PKD1L3: variants seen among roughly 807,000 people sequenced by gnomAD.
PKD1L3 encodes the protein polycystin-1-like protein 3.
Under a neutral mutation model 184.1 loss-of-function variants are expected in PKD1L3, and 239 were observed. The ratio of observed to expected loss-of-function variants is 1.30; its 90% CI spans 1.17 to 1.45. The LOEUF (loss-of-function observed/expected upper bound fraction) is 1.45. Ranked by LOEUF, PKD1L3 falls within the 40% of genes most tolerant of loss-of-function variation. The pLI, the probability that PKD1L3 is intolerant of heterozygous loss-of-function variation, is 0.00. For missense variants in PKD1L3, 2,660 were observed against 2,067.2 expected (o/e 1.29, Z -5.56); for synonymous variants, 996 against 778.8 (o/e 1.28, Z -4.64).
chr16:71,997,165 G>C (rs1450078625), intron 2 of PKD1L3, among the ~76,000 whole-genome samples: 6 of 152,050 alleles, frequency 3.9e-5, no homozygotes, highest in Non-Finnish European at 7.4e-5. Flanking sequence ...ATTGTTTCCA[G>C]TTTTGTTCTG....
In PKD1L3 at chr16:72,000,007, T is replaced by TG. The variant is rs1251265416; in HGVS notation, c.-30dup. 2.0e-6 allele frequency: 3 copies of TG among 1,481,406 alleles called. No individual in the cohort carries two copies. The highest frequency in any genetic ancestry group is 1.8e-6 in the Non-Finnish European group (2 of 1,107,892). The allele number at this position is 1,481,406 out of a possible 1,614,324, so 91.8% of individuals were successfully genotyped here. ...CTCTGAATTGTAGCAAGAAAAAGTG[T>TG]GGGGGTTTAGCAGCTGCCTGGTCCT... On this transcript the variant is annotated 5_prime_UTR_variant, in exon 1 of 30. Coordinates refer to ENST00000620267, the MANE Select transcript of PKD1L3 (RefSeq NM_181536.2).
chr16:71,986,071 C>A (rs773350491), intron 5 of PKD1L3, 150 bp downstream of exon 5: 5 of 1,031,772 alleles, frequency 4.8e-6, no homozygotes, highest in Non-Finnish European at 6.9e-6. Flanking sequence ...TTGGCTGTTT[C>A]CATGGACTTG....
intron 6 of PKD1L3, among the ~76,000 whole-genome samples, chr16:71,983,475 T>G (rs899519132): frequency 1.3e-5 from 2 of 151,988 alleles, no homozygotes; most frequent in African/African-American, 4.8e-5. Flanking sequence ...AACAAATGCA[T>G]CAGCAAGGCA....
In PKD1L3 at chr16:71,954,181, T is replaced by G; in HGVS notation, c.2733A>C (p.Thr911=). 6.4e-7 allele frequency: 1 copy of G among 1,551,792 alleles called. No homozygotes were observed. The highest frequency in any genetic ancestry group is 8.7e-7 in the Non-Finnish European group (1 of 1,146,960). The change falls in exon 17 of 30, where the codon ACA becomes ACC. Residue 911 remains threonine (T), a synonymous_variant. Coordinates refer to ENST00000620267, the MANE Select transcript of PKD1L3 (RefSeq NM_181536.2). Reference sequence around the variant, plus strand: ...TGATGACCATGTTGCAGAGTAGCAGTGTCATGCAGCAAGACAGCCGTTGGA... The same window carrying G: ...TGATGACCATGTTGCAGAGTAGCAGGGTCATGCAGCAAGACAGCCGTTGGA... ...TRVQRLSCCM[T]LLLCNMVINV...
At chr16:71,982,622 G>C (rs1360409858) in intron 6 of PKD1L3, among the ~76,000 whole-genome samples, 1 of 151,268 alleles carries the variant, frequency 6.6e-6, no homozygotes, top group African/African-American at 2.4e-5. Context: ...TAAGAGATGG[G>C]GTCTTGCTCT....
At chr16:71,932,144 C>A (rs376377093) in intron 28 of PKD1L3, among the ~76,000 whole-genome samples, 2 of 152,286 alleles carry the variant, frequency 1.3e-5, no homozygotes, top group African/African-American at 4.8e-5. Flanking sequence ...CCTGCAGATA[C>A]AACATTAGAA....
At chr16:71,969,094 C>A (rs543370735) in intron 13 of PKD1L3, among the ~76,000 whole-genome samples, 1 of 151,434 alleles carries the variant, frequency 6.6e-6, no homozygotes, top group Non-Finnish European at 1.5e-5. Flanking sequence ...CCATGCCTGG[C>A]TAATTTTTGT....
At chr16:71,997,273 T>C (rs78534681) in intron 2 of PKD1L3, among the ~76,000 whole-genome samples, 1,755 of 151,452 alleles carry the variant, frequency 0.012, 16 homozygotes, top group Non-Finnish European at 0.017. Flanking sequence ...CTCAGTTGTA[T>C]GGTAGTTGTT....
chr16:71,986,942 T>TTTTG, intron 4 of PKD1L3, among the ~76,000 whole-genome samples: 1 of 103,836 alleles, frequency 9.6e-6, no homozygotes, highest in East Asian at 3.1e-4. Flanking sequence ...TTTTTTTTTT[T>TTTTG]GAGACAGAGT....
At chr16:71,999,549 A>C (rs2040899474) in intron 1 of PKD1L3, 135 bp downstream of exon 1, 1 of 862,436 alleles carries the variant, frequency 1.2e-6, no homozygotes, top group Non-Finnish European at 1.6e-6. Context: ...ATTTCAGAGG[A>C]AAGATGGTAA....
At chr16:71,996,360 A>G (rs916567533) in intron 2 of PKD1L3, among the ~76,000 whole-genome samples, 1 of 148,068 alleles carries the variant, frequency 6.8e-6, no homozygotes, top group Non-Finnish European at 1.5e-5. Flanking sequence ...CTCCCGGTTC[A>G]AGCGATTCTC....
In PKD1L3 at chr16:71,950,020, G is replaced by A. The variant is rs1050544658; in HGVS notation, c.3384-3C>T. The A allele has an allele frequency of 1.3e-6, 2 of 1,551,372 alleles. No homozygotes were observed. Among genetic ancestry groups the A allele is most frequent in the South Asian group, 1.2e-5 (1 of 84,044 alleles). ...GGATGGCAAAACTGGTGACTTCCCT[G>A]AAGCACAAAAGTTGAGGGAATAATC... On this transcript the variant is annotated splice_region_variant and splice_polypyrimidine_tract_variant and intron_variant, in intron 20 of 29. Coordinates refer to ENST00000620267, the MANE Select transcript of PKD1L3 (RefSeq NM_181536.2).
At chr16:71,987,454 G>GCCT (rs2040416822) in intron 4 of PKD1L3, among the ~76,000 whole-genome samples, 1 of 151,976 alleles carries the variant, frequency 6.6e-6, no homozygotes, top group Non-Finnish European at 1.5e-5. Context: ...GCTCACTGCA[G>GCCT]CCTCCTCTTC....
chr16:71,949,441 C>T (rs1379694203), intron 21 of PKD1L3, among the ~76,000 whole-genome samples: 3 of 151,582 alleles, frequency 2.0e-5, no homozygotes, highest in Non-Finnish European at 4.4e-5. Flanking sequence ...CAGCCTCGAC[C>T]TCCTGGGCCA....
At chr16:71,955,646 G>T (rs1195186607) in intron 16 of PKD1L3, among the ~76,000 whole-genome samples, 2 of 151,976 alleles carry the variant, frequency 1.3e-5, no homozygotes, top group African/African-American at 2.4e-5. Flanking sequence ...ACCTAATAGG[G>T]CTTAGCTGTA....
intron 28 of PKD1L3, chr16:71,930,719 GCATA>G (rs1657490375): frequency 6.6e-6 from 1 of 151,476 alleles, no homozygotes; most frequent in Non-Finnish European, 1.5e-5. Flanking sequence ...TTACTTTTCT[GCATA>G]CATAAATATC....
chr16:71,953,087 G>T lies in PKD1L3; in HGVS notation c.2816C>A (p.Pro939Gln), dbSNP rs1042866066. The T allele has an allele frequency of 8.3e-6, 12 of 1,452,640 alleles. No individual in the cohort carries two copies. The African/African-American group carries it at 8.9e-5, about 11-fold the overall frequency. 90.0% of individuals were successfully genotyped at this position (1,452,640 alleles called of 1,614,324 possible). A position where few individuals can be genotyped will look rare whatever the true frequency, so the allele number is the denominator to read the frequency against. ...TTAKRDEQMRPFAVAWSELLV... is the reference protein window; with the variant it reads ...TTAKRDEQMRQFAVAWSELLV... ...CAGTTCAGACCAGGCCACAGCAAAT[G>T]GACGCACTGAAAGAAAAGCATGACA... Residue 939 changes from proline to glutamine, a missense_variant, in exon 18 of 30, where the codon CCA (proline) becomes CAA (glutamine). By Grantham distance (76) the Pro-to-Gln change is moderately conservative. Transcript: ENST00000620267.
chr16:71,954,357 A>T, intron 16 of PKD1L3, 56 bp from the exon 17 acceptor site: 1 of 1,381,306 alleles, frequency 7.2e-7, no homozygotes, highest in Non-Finnish European at 9.8e-7. Flanking sequence ...AAAGTGCACC[A>T]GTTTAAGATG....
In PKD1L3 at chr16:72,000,185, C is replaced by T. The variant is rs1274434361; in HGVS notation, c.-207G>A. The stretch of plus-strand genomic sequence containing the variant: ...TAGCAGAGATCAATAAAACAATGGC[C>T]CTTTTTATCTGGGGCCCCACCATCT... On this transcript the variant is annotated 5_prime_UTR_variant, in exon 1 of 30. Coordinates refer to ENST00000620267, the MANE Select transcript of PKD1L3 (RefSeq NM_181536.2). Among the ~76,000 whole-genome samples the T allele has an allele frequency of 1.3e-5, 2 of 152,108 alleles. No individual in the cohort carries two copies. Among genetic ancestry groups the T allele is most frequent in the Non-Finnish European group, 2.9e-5 (2 of 68,018 alleles).
Sources: allele counts gnomAD v4.1 joint callset (sites outside exome capture counted in the v4.1 genomes callset), GRCh38; gene constraint gnomAD v4.1.1; transcripts MANE v1.5; gene names NCBI Gene and HGNC (gene_info 2026-07-23, HGNC 2026-07-21).